NR2E1: variants seen among roughly 807,000 people sequenced by gnomAD.
The protein encoded by NR2E1 is nuclear receptor subfamily 2 group E member 1.
NR2E1 carries 5 observed loss-of-function variants against 43.6 expected under a neutral mutation model. The ratio of observed to expected loss-of-function variants is 0.11; its 90% CI spans 0.06 to 0.24. NR2E1 has a LOEUF of 0.24. NR2E1 is among the 10% of genes least tolerant of loss of function. NR2E1 has a pLI of 1.00. For synonymous variants in NR2E1, 191 were observed against 195.5 expected, an observed-to-expected ratio of 0.98 and a Z score of 0.19; for missense variants, 287 against 496.7, an observed-to-expected ratio of 0.58 and a Z score of 4.01.
Position 108,176,585 on chromosome 6 carries a change from C to T in NR2E1, c.342C>T (p.Asn114=), listed in dbSNP as rs1773901354. The part of the protein sequence containing the change: ...ALYFRGHKEE[N]GAAAHFPSAA... Reference sequence around the variant, plus strand: ...ACTTCCGTGGACACAAGGAGGAGAACGGGGCCGCCGCGCACTTTCCCTCGG... The same window carrying T: ...ACTTCCGTGGACACAAGGAGGAGAATGGGGCCGCCGCGCACTTTCCCTCGG... The change falls in exon 4 of 9, where the codon AAC becomes AAT. Residue 114 remains asparagine (N), a synonymous_variant. Coordinates refer to ENST00000368986, the MANE Select transcript of NR2E1 (RefSeq NM_003269.5). The T allele has an allele frequency of 1.2e-6, 2 of 1,612,928 alleles. No homozygotes were observed. The highest frequency in any genetic ancestry group is 1.7e-6 in the Non-Finnish European group (2 of 1,179,940).
intron 2 of NR2E1, among the ~76,000 whole-genome samples, chr6:108,172,581 A>G (rs1280285031): frequency 1.3e-5 from 2 of 152,182 alleles, no homozygotes; most frequent in African/African-American, 4.8e-5. Flanking sequence ...AGAGTCCTCC[A>G]TTTCACTTGT....
chr6:108,168,049 G>C (rs761378438), intron 1 of NR2E1: 3 of 1,601,214 alleles, frequency 1.9e-6, no homozygotes, highest in South Asian at 2.3e-5. Flanking sequence ...GGGGCAGAGG[G>C]AGCAGAGAAG....
rs768538556 is a variant in NR2E1, at chr6:108,187,795, G to A, written c.*332G>A. On this transcript the variant is annotated 3_prime_UTR_variant, in exon 9 of 9. Coordinates refer to ENST00000368986, the MANE Select transcript of NR2E1 (RefSeq NM_003269.5). ...AGATCAGGCTGAACGATCAAAAGCT[G>A]AAACATAAGTAGTGCTTTCTCTTCC... The A allele has an allele frequency of 4.4e-5, 16 of 361,264 alleles. No homozygotes were observed. The highest frequency in any genetic ancestry group is 7.5e-5 in the Non-Finnish European group (14 of 187,722). 22.4% of individuals were successfully genotyped at this position (361,264 alleles called of 1,614,324 possible).
Position 108,166,839 on chromosome 6 carries a change from G to A in NR2E1, c.25+49G>A. On this transcript the variant is annotated intron_variant, in intron 1 of 8. Transcript: ENST00000368986. This position sits in a 1 kb window ranked among gnomAD's most constrained non-coding sequence, Gnocchi z 7.2. ...GGGGCCTAGGCGCGCAGCCTGGGGC[G>A]AGCGAGCGGGGAGGCTGGGGGAGGT... 2 of 1,561,324 alleles carry A rather than the reference G, an allele frequency of 1.3e-6. No homozygotes were observed. The highest frequency in any genetic ancestry group is 2.3e-5 in the East Asian group (1 of 43,458).
chr6:108,180,231 A>C lies in NR2E1; in HGVS notation c.643-92A>C. ...AATTACCAAGACAGGCATTTAAAACACTTTTTAAAATAATGGAAATTTACA... is the reference window on the plus strand; with the variant it reads ...AATTACCAAGACAGGCATTTAAAACCCTTTTTAAAATAATGGAAATTTACA... On this transcript the variant is annotated intron_variant, in intron 5 of 8. Transcript: ENST00000368986. This position sits in a 1 kb window ranked among gnomAD's most constrained non-coding sequence, Gnocchi z 5.4. 1 of 866,514 alleles carries C rather than the reference A, an allele frequency of 1.2e-6. No homozygotes were observed. The highest frequency in any genetic ancestry group is 1.9e-6 in the Non-Finnish European group (1 of 533,178). 53.7% of individuals were successfully genotyped at this position (866,514 alleles called of 1,614,324 possible). A position where few individuals can be genotyped will look rare whatever the true frequency, so the allele number is the denominator to read the frequency against.
intron 1 of NR2E1, chr6:108,168,067 C>T: frequency 6.2e-7 from 1 of 1,603,162 alleles, no homozygotes; most frequent in Non-Finnish European, 8.5e-7. Context: ...AAGGAGCCCT[C>T]ACCGCGGCCG....
At position 108,178,217 on chromosome 6, in the gene NR2E1, C is replaced by T. The variant is rs757254276; in HGVS notation, c.618C>T (p.Phe206=). The change falls in exon 5 of 9, where the codon TTC becomes TTT. Residue 206 remains phenylalanine, a synonymous_variant. Transcript: ENST00000368986. ...AGTGGGCTAAGAGTGTGCCAGCCTTCTCCACGCTGTCTTTGCAAGACCAGG... is the reference window on the plus strand; with the variant it reads ...AGTGGGCTAAGAGTGTGCCAGCCTTTTCCACGCTGTCTTTGCAAGACCAGG... ...SIKWAKSVPA[F]STLSLQDQLM... The T allele has an allele frequency of 7.8e-5, 126 of 1,614,014 alleles. No homozygotes were observed. The highest frequency in any genetic ancestry group is 1.0e-4 in the Non-Finnish European group (123 of 1,180,018).
rs1041049251 is a variant in NR2E1, at chr6:108,182,260, A to G, written c.995+609A>G. Reference sequence around the variant, plus strand: ...CCGTCTCAAAAAAAAAAAAAAAAAAAAAGAAGCTCAAAGTGTAATGGTTGG... The same window carrying G: ...CCGTCTCAAAAAAAAAAAAAAAAAAGAAGAAGCTCAAAGTGTAATGGTTGG... On this transcript the variant is annotated intron_variant, in intron 8 of 8. Transcript: ENST00000368986. Among the ~76,000 whole-genome samples, 516 of 151,992 alleles carry G rather than the reference A, an allele frequency of 3.4e-3. 1 individual carries two copies. The highest frequency in any genetic ancestry group is 5.4e-3 in the Non-Finnish European group (367 of 67,916).
At position 108,187,487 on chromosome 6, in the gene NR2E1, G is replaced by A. The variant is rs762993565; in HGVS notation, c.*24G>A. ...AAGCTCACAAGATACCCACTTTTCAGGATGGGACAGTATCAGATGAACTTC... is the reference window on the plus strand; with the variant it reads ...AAGCTCACAAGATACCCACTTTTCAAGATGGGACAGTATCAGATGAACTTC... On this transcript the variant is annotated 3_prime_UTR_variant, in exon 9 of 9. Coordinates refer to ENST00000368986, the MANE Select transcript of NR2E1 (RefSeq NM_003269.5). 6.2e-6 allele frequency: 10 copies of A among 1,612,650 alleles called. No individual in the cohort carries two copies. In the Admixed American group the frequency reaches 1.0e-4, roughly 16 times the overall value.
intron 5 of NR2E1, among the ~76,000 whole-genome samples, 155 bp downstream of exon 5, chr6:108,178,396 C>T (rs540668433): frequency 9.2e-5 from 14 of 152,316 alleles, no homozygotes; most frequent in Admixed American, 2.6e-4. Context: ...CTTGCTTCTT[C>T]CTGTGGGTTC....
chr6:108,186,154 T>A (rs1386340347), intron 8 of NR2E1, among the ~76,000 whole-genome samples: 2 of 152,124 alleles, frequency 1.3e-5, no homozygotes, highest in East Asian at 1.9e-4. Flanking sequence ...TATTTTTTTT[T>A]AATGCAGGTA....
At chr6:108,176,363 C>A in intron 3 of NR2E1, 140 bp from the exon 4 acceptor site, 1 of 703,680 alleles carries the variant, frequency 1.4e-6, no homozygotes, top group Non-Finnish European at 2.5e-6. Flanking sequence ...CCTCAGATTC[C>A]CTCTCCCTTC....
rs1773961021 is a variant in NR2E1, at chr6:108,180,119, T to C, written c.643-204T>C. Among the ~76,000 whole-genome samples, 1 of 152,172 alleles carries C rather than the reference T, an allele frequency of 6.6e-6. No individual in the cohort carries two copies. The highest frequency in any genetic ancestry group is 1.5e-5 in the Non-Finnish European group (1 of 68,030). On this transcript the variant is annotated intron_variant, in intron 5 of 8. Coordinates refer to ENST00000368986, the MANE Select transcript of NR2E1 (RefSeq NM_003269.5). This position sits in a 1 kb window ranked among gnomAD's most constrained non-coding sequence, Gnocchi z 5.4. ...GGAAACTTTGGAGAATTGGAATGGCTGACTCTCAAATCCATATGCATATCT... is the reference window on the plus strand; with the variant it reads ...GGAAACTTTGGAGAATTGGAATGGCCGACTCTCAAATCCATATGCATATCT...
chr6:108,169,578 T>A lies in NR2E1; in HGVS notation c.26-1880T>A, dbSNP rs902061328. On this transcript the variant is annotated intron_variant, in intron 1 of 8. Coordinates refer to ENST00000368986, the MANE Select transcript of NR2E1 (RefSeq NM_003269.5). This position sits in a 1 kb window ranked among gnomAD's most constrained non-coding sequence, Gnocchi z 6.1. ...CAGAGGGCGCGTGTTAAGCAGAGGA[T>A]GGTTGTAAGATATGGAAACCAAGTT... is the stretch of plus-strand genomic sequence containing the variant. 2.0e-5 allele frequency among the ~76,000 whole-genome samples: 3 copies of A among 152,108 alleles called. No homozygotes were observed. The East Asian group carries it at 5.8e-4, about 29-fold the overall frequency.
Position 108,180,459 on chromosome 6 carries a change from A to G in NR2E1, c.739+40A>G, listed in dbSNP as rs774635394. ...ATTTAATGACTTTGTTGTAGAAATT[A>G]CCATAAAAATACATTACTGAAAAAA... On this transcript the variant is annotated intron_variant, in intron 6 of 8. Coordinates refer to ENST00000368986, the MANE Select transcript of NR2E1 (RefSeq NM_003269.5). This position sits in a 1 kb window ranked among gnomAD's most constrained non-coding sequence, Gnocchi z 5.4. 1 of 1,353,846 alleles carries G rather than the reference A, an allele frequency of 7.4e-7. No homozygotes were observed. The highest frequency in any genetic ancestry group is 1.7e-5 in the Admixed American group (1 of 59,702). The allele number at this position is 1,353,846 out of a possible 1,614,324, so 83.9% of individuals were successfully genotyped here. A position where few individuals can be genotyped will look rare whatever the true frequency, so the allele number is the denominator to read the frequency against.
chr6:108,175,167 C>T (rs1041748391), intron 3 of NR2E1, among the ~76,000 whole-genome samples: 2 of 152,138 alleles, frequency 1.3e-5, no homozygotes, highest in African/African-American at 4.8e-5. Flanking sequence ...ACAGTCATCT[C>T]CACACAGGCA....
chr6:108,170,396 A>G (rs1231027613), intron 1 of NR2E1, among the ~76,000 whole-genome samples: 1 of 152,164 alleles, frequency 6.6e-6, no homozygotes, highest in Non-Finnish European at 1.5e-5. Flanking sequence ...AGTCCCTATA[A>G]ACCGCTTCAG....
Position 108,169,730 on chromosome 6 carries a change from G to A in NR2E1, c.26-1728G>A, listed in dbSNP as rs1280314226. On this transcript the variant is annotated intron_variant, in intron 1 of 8. Coordinates refer to ENST00000368986, the MANE Select transcript of NR2E1 (RefSeq NM_003269.5). This position sits in a 1 kb window ranked among gnomAD's most constrained non-coding sequence, Gnocchi z 6.1. ...ACAAGACCCGCTGTGCCCTTGCCTG[G>A]CCCTCTCCAGCCCCTCCCTCCCACA... Among the ~76,000 whole-genome samples, 1 of 151,944 alleles carries A rather than the reference G, an allele frequency of 6.6e-6. No individual in the cohort carries two copies. Among genetic ancestry groups the A allele is most frequent in the African/African-American group, 2.4e-5 (1 of 41,376 alleles).
In NR2E1 at chr6:108,178,193, G is replaced by A; in HGVS notation, c.594G>A (p.Lys198=). The A allele has an allele frequency of 6.2e-7, 1 of 1,614,224 alleles. No individual in the cohort carries two copies. The highest frequency in any genetic ancestry group is 8.5e-7 in the Non-Finnish European group (1 of 1,180,042). Residue 198 remains lysine, a synonymous_variant, in exon 5 of 9, where the codon AAG becomes AAA. Transcript: ENST00000368986. ...SAARLLFMSI[K]WAKSVPAFST... ...CCAGACTTCTCTTCATGAGCATCAA[G>A]TGGGCTAAGAGTGTGCCAGCCTTCT...
Sources: gnomAD v4.1 joint callset for allele counts (sites outside exome capture counted in the v4.1 genomes callset) on GRCh38, gnomAD v4.1.1 for gene constraint, Gnocchi (gnomAD v3.1) non-coding constraint, MANE v1.5 for transcripts, NCBI Gene and HGNC (gene_info 2026-07-23, HGNC 2026-07-21) for gene names.